The following RGS3 variants were observed in gnomAD, a reference collection of about 807,000 sequenced individuals.
RGS3 encodes regulator of G protein signaling 3.
A neutral mutation model predicts 132.6 loss-of-function variants in RGS3; 80 were observed. The ratio of observed to expected loss-of-function variants is 0.60; its 90% CI spans 0.50 to 0.73. The LOEUF (loss-of-function observed/expected upper bound fraction) is 0.73, where lower values mean the gene tolerates loss of function less well. Among genes scored for constraint, RGS3 ranks in the 30% least tolerant of loss-of-function variants. The probability of loss-of-function intolerance (pLI) is 0.00; values close to 1 mark genes in which losing one functional copy is unlikely to be tolerated. For missense variants in RGS3, 1,382 were observed against 1,530.8 expected, an observed-to-expected ratio of 0.90 and a Z score of 1.62; for synonymous variants, 598 against 620.6, an observed-to-expected ratio of 0.96 and a Z score of 0.54.
intron 19 of RGS3, among the ~76,000 whole-genome samples, chr9:113,552,409 C>T (rs376083997): frequency 5.3e-5 from 8 of 152,100 alleles, no homozygotes; most frequent in Admixed American, 2.0e-4. Flanking sequence ...ACCCGCCTCC[C>T]GGGTTCACGC....
rs201183387 is a variant in RGS3, at chr9:113,572,511, C to CT, written c.2038-10931dup. 9.4e-4 allele frequency among the ~76,000 whole-genome samples: 143 copies of CT among 152,072 alleles called. 1 individual carries two copies. The East Asian group carries it at 0.021, about 22-fold the overall frequency. ...CCAGTGTCCTCGAGTGAAAAAGCCT[C>CT]TTTTTTTTACTGGATGGGCACCCCA... On this transcript the variant is annotated intron_variant, in intron 19 of 24. Coordinates refer to ENST00000350696, the Ensembl canonical transcript of RGS3.
intron 7 of RGS3, among the ~76,000 whole-genome samples, chr9:113,493,967 C>T (rs1052535565): frequency 4.6e-5 from 7 of 152,130 alleles, no homozygotes; most frequent in Non-Finnish European, 8.8e-5. Flanking sequence ...TTCCATAGGA[C>T]ATGCCAAATC....
exon 2 of RGS3, chr9:113,461,842 C>A: frequency 6.2e-7 from 1 of 1,613,858 alleles, no homozygotes; most frequent in Non-Finnish European, 8.5e-7. Context: ...ACAGTGGTCC[C>A]TGGCGAAGTT....
chr9:113,445,771 TG>T (rs1829087143), intron 1 of RGS3, among the ~76,000 whole-genome samples: 2 of 152,092 alleles, frequency 1.3e-5, no homozygotes, highest in East Asian at 1.9e-4. Context: ...CTCCGCCGCC[TG>T]GGTTCAAGCG....
At chr9:113,499,695 A>G (rs1830806446) in intron 10 of RGS3, among the ~76,000 whole-genome samples, 1 of 152,178 alleles carries the variant, frequency 6.6e-6, no homozygotes, top group Non-Finnish European at 1.5e-5. Flanking sequence ...GCCCTGCCCC[A>G]TGGAGCAGTC....
intron 19 of RGS3, chr9:113,580,824 A>G (rs1307492199): frequency 2.0e-6 from 2 of 985,588 alleles, no homozygotes; most frequent in African/African-American, 3.5e-5. Context: ...CACTTTCCCC[A>G]AGGGGTGGGC....
At chr9:113,502,748 C>CA (rs1428429805) in intron 10 of RGS3, among the ~76,000 whole-genome samples, 1 of 152,176 alleles carries the variant, frequency 6.6e-6, no homozygotes, top group African/African-American at 2.4e-5. Context: ...CTCAGGGACT[C>CA]AGAGTTCAAG....
intron 20 of RGS3, among the ~76,000 whole-genome samples, chr9:113,590,633 C>T (rs538459135): frequency 1.1e-4 from 17 of 152,058 alleles, no homozygotes; most frequent in African/African-American, 2.9e-4. Flanking sequence ...AAGCATCCCC[C>T]GAGGAAGGAA....
At chr9:113,517,172 A>G in intron 15 of RGS3, 1 of 473,996 alleles carries the variant, frequency 2.1e-6, no homozygotes, top group Non-Finnish European at 4.2e-6. Context: ...TGAGGCATGA[A>G]CAGGATAGAT....
intron 1 of RGS3, among the ~76,000 whole-genome samples, chr9:113,450,595 C>T (rs1234129638): frequency 6.6e-6 from 1 of 151,834 alleles, no homozygotes; most frequent in Non-Finnish European, 1.5e-5. Flanking sequence ...TGGTGCTGGG[C>T]CCTGGGAATG....
intron 19 of RGS3, among the ~76,000 whole-genome samples, chr9:113,554,767 C>A (rs1833498827): frequency 6.6e-6 from 1 of 152,116 alleles, no homozygotes; most frequent in African/African-American, 2.4e-5. Context: ...AATTATTTTT[C>A]TAGTTTGTCA....
chr9:113,485,157 G>A (rs867292605), intron 6 of RGS3, among the ~76,000 whole-genome samples: 15 of 151,830 alleles, frequency 9.9e-5, no homozygotes, highest in African/African-American at 3.4e-4. Flanking sequence ...GCACAATCTC[G>A]GCTCACTGTA....
intron 19 of RGS3, among the ~76,000 whole-genome samples, chr9:113,559,448 G>A (rs558788645): frequency 1.3e-5 from 2 of 152,362 alleles, no homozygotes; most frequent in Admixed American, 6.5e-5. Flanking sequence ...AAGCCAGCCA[G>A]CAGCAGGCCT....
chr9:113,593,899 C>G lies in RGS3; in HGVS notation c.3081-531C>G. The G allele has an allele frequency of 4.4e-6, 7 of 1,584,072 alleles. 1 individual carries two copies. In the Admixed American group the frequency reaches 6.9e-5, roughly 16 times the overall value. On this transcript the variant is annotated intron_variant, in intron 21 of 24. Coordinates refer to ENST00000350696, the Ensembl canonical transcript of RGS3. ...ATTTGCTGACTTGTCCCCCACCCCC[C>G]ACCACTGTCTCCCTGCTGCCATGGT...
rs1831179684 is a variant in RGS3 at position 113,507,407 on chromosome 9, C to T, written c.1206C>T (p.Pro402=). 3 of 1,613,922 alleles carry T rather than the reference C, an allele frequency of 1.9e-6. No homozygotes were observed. Among genetic ancestry groups the T allele is most frequent in the Admixed American group, 3.3e-5 (2 of 60,030 alleles). Residue 402 remains proline, a synonymous_variant, in exon 13 of 25, where the codon CCC becomes CCT. Transcript: ENST00000350696. The surrounding 1 kb of genome is among the most constrained non-coding windows in gnomAD (Gnocchi z 5.0). ...AGTCGACACATGACCTCCAGTCACC[C>T]CCCAACAAACGGGAGAAGAACTGCA...
At chr9:113,493,613 C>A (rs968385414) in intron 7 of RGS3, among the ~76,000 whole-genome samples, 3 of 152,086 alleles carry the variant, frequency 2.0e-5, no homozygotes, top group African/African-American at 4.8e-5. Context: ...GGTAAGCTGC[C>A]ACGCTTTCTG....
At chr9:113,461,702 C>G (rs148000382) in intron 1 of RGS3, 1 of 1,612,406 alleles carries the variant, frequency 6.2e-7, no homozygotes, top group Non-Finnish European at 8.5e-7. Context: ...TCTTTTCTCT[C>G]CTAGGTCACA....
chr9:113,493,945 T>C (rs886894298), intron 7 of RGS3, among the ~76,000 whole-genome samples: 2 of 152,202 alleles, frequency 1.3e-5, no homozygotes, highest in Admixed American at 1.3e-4. Flanking sequence ...TCTTTGGTTT[T>C]GATATTGTGC....
At chr9:113,512,496 G>A (rs936054486) in intron 14 of RGS3, among the ~76,000 whole-genome samples, 16 of 152,274 alleles carry the variant, frequency 1.1e-4, no homozygotes, top group Non-Finnish European at 7.4e-5. Flanking sequence ...AGGGGCACGG[G>A]GGGAGTCAAC....
Sources: gnomAD v4.1 joint callset for allele counts (sites outside exome capture counted in the v4.1 genomes callset) on GRCh38, gnomAD v4.1.1 for gene constraint, Gnocchi (gnomAD v3.1) non-coding constraint, MANE v1.5 for transcripts, NCBI Gene and HGNC (gene_info 2026-07-23, HGNC 2026-07-21) for gene names.